Variants in TGIF2 observed in about 807,000 individuals in gnomAD.
The protein encoded by TGIF2 is homeobox protein TGIF2.
Under a neutral mutation model 15.1 loss-of-function variants are expected in TGIF2, and 5 were observed. That is an observed-to-expected ratio of 0.33 (90% CI 0.17 to 0.70). The LOEUF (loss-of-function observed/expected upper bound fraction) is 0.70, where lower values mean the gene tolerates loss of function less well. TGIF2 is among the 30% of genes least tolerant of loss of function. TGIF2 has a pLI of 0.67. For missense variants in TGIF2, 264 were observed against 302.5 expected, an observed-to-expected ratio of 0.87 and a Z score of 0.94; for synonymous variants, 131 against 128.9, an observed-to-expected ratio of 1.02 and a Z score of -0.11.
At chr20:36,581,996 G>A (rs987344651) in intron 2 of TGIF2, among the ~76,000 whole-genome samples, 2 of 152,128 alleles carry the variant, frequency 1.3e-5, no homozygotes, top group African/African-American at 4.8e-5. Context: ...AATACTTTGC[G>A]AGGCCGATGC....
intron 2 of TGIF2, among the ~76,000 whole-genome samples, chr20:36,580,374 T>C (rs1443338770): frequency 6.6e-6 from 1 of 152,176 alleles, no homozygotes; most frequent in Non-Finnish European, 1.5e-5. Context: ...CTGACTCAGA[T>C]TCCATCTTCT....
rs2038486964 is a variant in TGIF2 at position 36,578,893 on chromosome 20, A to AC, written c.121dup (p.Arg41ProfsTer27). The AC allele has an allele frequency of 6.2e-7, 1 of 1,614,032 alleles. No individual in the cohort carries two copies. The highest frequency in any genetic ancestry group is 1.3e-5 in the African/African-American group (1 of 74,920). ...ATCCTCCGGGACTGGCTGTACTTGCACCGCTACAACGCCTACCCCTCAGAG... is the reference window on the plus strand; with the variant it reads ...ATCCTCCGGGACTGGCTGTACTTGCACCCGCTACAACGCCTACCCCTCAGAG... On this transcript the variant is annotated frameshift_variant, in exon 2 of 3. Transcript: ENST00000373872. LOFTEE classifies it high-confidence loss of function.
intron 2 of TGIF2, among the ~76,000 whole-genome samples, chr20:36,579,598 A>G (rs979230266): frequency 2.0e-5 from 3 of 152,194 alleles, no homozygotes; most frequent in Non-Finnish European, 2.9e-5. Context: ...CCCAGCCCCA[A>G]CGCAGTATTG....
intron 1 of TGIF2, among the ~76,000 whole-genome samples, chr20:36,577,339 A>G (rs2038451473): frequency 6.6e-6 from 1 of 150,426 alleles, no homozygotes; most frequent in Non-Finnish European, 1.5e-5. Context: ...AGCTGGGATT[A>G]CAGGTGTGTG....
At chr20:36,590,623 G>A (rs930561878) in intron 2 of TGIF2, among the ~76,000 whole-genome samples, 10 of 152,160 alleles carry the variant, frequency 6.6e-5, no homozygotes, top group Non-Finnish European at 1.5e-4. Flanking sequence ...GGAATCCAGT[G>A]GTGCGATCAT....
intron 2 of TGIF2, among the ~76,000 whole-genome samples, chr20:36,581,081 G>C (rs1478915561): frequency 6.6e-6 from 1 of 151,748 alleles, no homozygotes; most frequent in Non-Finnish European, 1.5e-5. Context: ...GAGCCGAGAT[G>C]GTGGCATTGC....
chr20:36,575,780 C>G (rs2038415587), intron 1 of TGIF2, among the ~76,000 whole-genome samples: 1 of 152,108 alleles, frequency 6.6e-6, no homozygotes, highest in Non-Finnish European at 1.5e-5. Context: ...ATCAGCCTGG[C>G]CTAGAACTTT....
In TGIF2 at chr20:36,593,150, C is replaced by G. The variant is rs1357972499; in HGVS notation, c.*1719C>G. ...ACACTAATCCTAGGTTATTGCTAGC[C>G]AAAATATTTTTGTCCTGAGTAGTGT... On this transcript the variant is annotated 3_prime_UTR_variant, in exon 3 of 3. Coordinates refer to ENST00000373872, the MANE Select transcript of TGIF2 (RefSeq NM_021809.7). The G allele has an allele frequency of 6.6e-6, 1 of 152,522 alleles. No homozygotes were observed. Among genetic ancestry groups the G allele is most frequent in the Non-Finnish European group, 1.5e-5 (1 of 68,032 alleles). 9.4% of individuals were successfully genotyped at this position (152,522 alleles called of 1,614,324 possible).
intron 1 of TGIF2, chr20:36,574,974 G>A (rs1048795339): frequency 6.6e-6 from 1 of 152,526 alleles, no homozygotes; most frequent in Non-Finnish European, 1.5e-5. Context: ...GTGTCGAGGG[G>A]TTGCTGCCAC....
chr20:36,574,036 C>G (rs1347614528), intron 1 of TGIF2, among the ~76,000 whole-genome samples: 3 of 151,570 alleles, frequency 2.0e-5, no homozygotes, highest in Non-Finnish European at 4.4e-5. Context: ...CAGGAGAGGG[C>G]CGATCCTGCA....
Position 36,591,361 on chromosome 20 carries a change from A to G in TGIF2, c.644A>G (p.Gln215Arg). The change falls in exon 3 of 3, where the codon CAG (glutamine) becomes CGG (arginine). Residue 215 changes from glutamine (Q) to arginine (R), a missense_variant. By Grantham distance (43) the Gln-to-Arg change is conservative. Coordinates refer to ENST00000373872, the MANE Select transcript of TGIF2 (RefSeq NM_021809.7). The surrounding 1 kb of genome is among the most constrained non-coding windows in gnomAD (Gnocchi z 5.3). ...ALQRAAEMEL[Q>R]KQQDPSLPLL... is the part of the protein sequence containing the mutation. ...CAGAGGGCTGCTGAGATGGAGCTTC[A>G]GAAGCAGCAGGACCCATCACTCCCA... is the stretch of plus-strand genomic sequence containing the variant. The G allele has an allele frequency of 6.2e-7, 1 of 1,614,220 alleles. No individual in the cohort carries two copies. Among genetic ancestry groups the G allele is most frequent in the Non-Finnish European group, 8.5e-7 (1 of 1,180,036 alleles).
intron 2 of TGIF2, among the ~76,000 whole-genome samples, chr20:36,581,401 T>C (rs1209857671): frequency 6.6e-6 from 1 of 152,090 alleles, no homozygotes; most frequent in African/African-American, 2.4e-5. Context: ...ATTTAATCCA[T>C]TATTTTGAAC....
intron 2 of TGIF2, among the ~76,000 whole-genome samples, chr20:36,582,587 C>T (rs1433150437): frequency 6.6e-6 from 1 of 152,176 alleles, no homozygotes; most frequent in East Asian, 1.9e-4. Flanking sequence ...AAAATGGAAA[C>T]CCAAAGCCAA....
chr20:36,584,470 A>C (rs2038611740), intron 2 of TGIF2, among the ~76,000 whole-genome samples: 1 of 152,170 alleles, frequency 6.6e-6, no homozygotes, highest in Admixed American at 6.6e-5. Flanking sequence ...AGGACCTCAG[A>C]AGTAAGGAAA....
At chr20:36,578,585 T>C (rs1217266749) in intron 1 of TGIF2, among the ~76,000 whole-genome samples, 156 bp from the exon 2 acceptor site, 1 of 152,200 alleles carries the variant, frequency 6.6e-6, no homozygotes, top group Non-Finnish European at 1.5e-5. Flanking sequence ...GACTCATCCC[T>C]TCTAGCTTGC....
At chr20:36,576,824 C>G (rs2038439580) in intron 1 of TGIF2, among the ~76,000 whole-genome samples, 1 of 152,064 alleles carries the variant, frequency 6.6e-6, no homozygotes, top group African/African-American at 2.4e-5. Context: ...TCCACCTCAG[C>G]CCCCAGAGTA....
rs534313780 is a variant in TGIF2 at position 36,580,744 on chromosome 20, G to A, written c.192+1778G>A. ...AGGAAGGATTACTTGAGCCCTGGAG[G>A]TGGAGGCTGCAGTGAGCTGTGATCG... On this transcript the variant is annotated intron_variant, in intron 2 of 2. Transcript: ENST00000373872. Among the ~76,000 whole-genome samples the A allele has an allele frequency of 6.0e-5, 9 of 150,838 alleles. No homozygotes were observed. In the East Asian group the frequency reaches 1.8e-3, roughly 29 times the overall value.
In TGIF2 at chr20:36,589,030, C is replaced by T. The variant is rs2038715554; in HGVS notation, c.193-1880C>T. 2.0e-5 allele frequency among the ~76,000 whole-genome samples: 3 copies of T among 152,208 alleles called. No individual in the cohort carries two copies. The South Asian group carries it at 6.2e-4, about 31-fold the overall frequency. Reference sequence around the variant, plus strand: ...AGGTGAAGGAGGGCAGATGAGAACCCCACGGCCAGGGCCTTTCCTTGGAAT... The same window carrying T: ...AGGTGAAGGAGGGCAGATGAGAACCTCACGGCCAGGGCCTTTCCTTGGAAT... On this transcript the variant is annotated intron_variant, in intron 2 of 2. Transcript: ENST00000373872.
chr20:36,581,219 T>C (rs2038539480), intron 2 of TGIF2, among the ~76,000 whole-genome samples: 1 of 152,208 alleles, frequency 6.6e-6, no homozygotes, highest in Admixed American at 6.5e-5. Context: ...AGTCTTTGGC[T>C]GATCCTGGGT....
Sources: allele counts gnomAD v4.1 joint callset (sites outside exome capture counted in the v4.1 genomes callset), GRCh38; gene constraint gnomAD v4.1.1; non-coding constraint Gnocchi (gnomAD v3.1); transcripts MANE v1.5; gene names NCBI Gene and HGNC (gene_info 2026-07-23, HGNC 2026-07-21).